ACVR2A: variants seen among roughly 807,000 people sequenced by gnomAD.
The protein encoded by ACVR2A is activin receptor type-2A.
Under a neutral mutation model 61.4 loss-of-function variants are expected in ACVR2A, and 7 were observed. The observed-to-expected ratio is 0.11, with a 90% CI of 0.06 to 0.21. ACVR2A has a LOEUF of 0.21. Ranked by LOEUF, ACVR2A falls within the 10% of genes least tolerant of loss-of-function variation. ACVR2A has a pLI of 1.00. For missense variants in ACVR2A, 322 were observed against 621.7 expected, an observed-to-expected ratio of 0.52 and a Z score of 5.13; for synonymous variants, 193 against 208.3, an observed-to-expected ratio of 0.93 and a Z score of 0.63.
At chr2:147,898,863 C>A (rs1192159966) in intron 2 of ACVR2A, among the ~76,000 whole-genome samples, 3 of 151,490 alleles carry the variant, frequency 2.0e-5, no homozygotes, top group Admixed American at 2.0e-4. Context: ...TCATCTCAAC[C>A]CTGTTCATTG....
chr2:147,905,186 T>C (rs1227724733), intron 4 of ACVR2A, among the ~76,000 whole-genome samples: 1 of 152,116 alleles, frequency 6.6e-6, no homozygotes, highest in Non-Finnish European at 1.5e-5. Context: ...GGCACCTTTC[T>C]TTAGCCTTAT....
intron 4 of ACVR2A, among the ~76,000 whole-genome samples, chr2:147,908,360 A>C (rs1189871655): frequency 6.6e-6 from 1 of 152,166 alleles, no homozygotes; most frequent in East Asian, 1.9e-4. Flanking sequence ...AGTGCTGGCT[A>C]CCTTGAGGTG....
chr2:147,870,144 T>C (rs1384032766), intron 1 of ACVR2A, among the ~76,000 whole-genome samples: 1 of 151,956 alleles, frequency 6.6e-6, no homozygotes, highest in East Asian at 1.9e-4. Flanking sequence ...GGTCTTAATG[T>C]GGTGTATTCT....
At chr2:147,866,200 G>T (rs1685850275) in intron 1 of ACVR2A, among the ~76,000 whole-genome samples, 2 of 152,214 alleles carry the variant, frequency 1.3e-5, no homozygotes, top group Non-Finnish European at 2.9e-5. Context: ...ATTCAAAGCA[G>T]TGTATGTAAG....
chr2:147,882,588 A>T (rs1271424252), intron 1 of ACVR2A, among the ~76,000 whole-genome samples: 1 of 152,174 alleles, frequency 6.6e-6, no homozygotes, highest in East Asian at 1.9e-4. Flanking sequence ...GTCCCTAAGT[A>T]ACTAGTGGTT....
intron 4 of ACVR2A, among the ~76,000 whole-genome samples, chr2:147,907,068 C>T (rs1687004930): frequency 6.6e-6 from 1 of 152,064 alleles, no homozygotes; most frequent in Non-Finnish European, 1.5e-5. Context: ...TCTACTCCCA[C>T]TTATGAGTGA....
chr2:147,885,821 AAATT>A (rs1352755719), intron 1 of ACVR2A, among the ~76,000 whole-genome samples: 1 of 152,176 alleles, frequency 6.6e-6, no homozygotes, highest in Non-Finnish European at 1.5e-5. Context: ...TCATAAGACT[AAATT>A]AATAAAAGTA....
At chr2:147,868,435 T>G (rs1259547636) in intron 1 of ACVR2A, among the ~76,000 whole-genome samples, 1 of 152,112 alleles carries the variant, frequency 6.6e-6, no homozygotes, top group East Asian at 1.9e-4. Context: ...GTTTTAAGAT[T>G]TTTCTTTCCT....
chr2:147,878,156 T>C (rs1686205439), intron 1 of ACVR2A, among the ~76,000 whole-genome samples: 1 of 152,218 alleles, frequency 6.6e-6, no homozygotes, highest in Admixed American at 6.5e-5. Flanking sequence ...ATAGCAAGAC[T>C]ATAAAAGTGT....
chr2:147,864,519 C>T (rs1207002386), intron 1 of ACVR2A, among the ~76,000 whole-genome samples: 1 of 152,034 alleles, frequency 6.6e-6, no homozygotes, highest in Non-Finnish European at 1.5e-5. Flanking sequence ...TGTGAGCCAC[C>T]GTTCCTGGCC....
chr2:147,911,502 C>T (rs531214653), intron 4 of ACVR2A, among the ~76,000 whole-genome samples: 9 of 152,058 alleles, frequency 5.9e-5, no homozygotes, highest in East Asian at 1.9e-4. Flanking sequence ...GGATATGAAT[C>T]GTAATTTCTT....
chr2:147,920,677 A>G (rs2105219314), intron 8 of ACVR2A, among the ~76,000 whole-genome samples: 1 of 152,318 alleles, frequency 6.6e-6, no homozygotes, highest in South Asian at 2.1e-4. Context: ...TTCTTTCACC[A>G]TCTTAAGAAG....
At chr2:147,925,193 G>C (rs1018191586) in intron 9 of ACVR2A, among the ~76,000 whole-genome samples, 12 of 151,942 alleles carry the variant, frequency 7.9e-5, no homozygotes, top group Admixed American at 2.6e-4. Context: ...TTCAATTCCA[G>C]CTCTACCGTT....
At chr2:147,912,557 T>C (rs1313834428) in intron 4 of ACVR2A, among the ~76,000 whole-genome samples, 2 of 151,970 alleles carry the variant, frequency 1.3e-5, no homozygotes, top group South Asian at 2.1e-4. Context: ...TTTAAAGGTA[T>C]ACATTTTTAT....
At chr2:147,850,960 G>C (rs1184773394) in intron 1 of ACVR2A, among the ~76,000 whole-genome samples, 1 of 152,100 alleles carries the variant, frequency 6.6e-6, no homozygotes, top group African/African-American at 2.4e-5. Context: ...TCAAGAATGT[G>C]GTCGTAGAGG....
chr2:147,917,225 C>T, intron 5 of ACVR2A, 58 bp from the exon 6 acceptor site: 1 of 1,530,620 alleles, frequency 6.5e-7, no homozygotes, highest in Non-Finnish European at 8.9e-7. Context: ...ATCTCTTATG[C>T]ATGGTTTATT....
At chr2:147,856,581 T>C (rs1049655001) in intron 1 of ACVR2A, among the ~76,000 whole-genome samples, 15 of 152,146 alleles carry the variant, frequency 9.9e-5, no homozygotes, top group Non-Finnish European at 1.6e-4. Flanking sequence ...TAATTAATTT[T>C]ATATAACCTA....
chr2:147,864,161 G>A (rs1685794716), intron 1 of ACVR2A, among the ~76,000 whole-genome samples: 1 of 152,018 alleles, frequency 6.6e-6, no homozygotes, highest in African/African-American at 2.4e-5. Context: ...TTATTTTTAA[G>A]ACAAATTGAT....
intron 1 of ACVR2A, among the ~76,000 whole-genome samples, chr2:147,884,316 G>A (rs755020719): frequency 9.9e-5 from 15 of 152,070 alleles, no homozygotes; most frequent in Admixed American, 3.9e-4. Context: ...ACTTGTACCT[G>A]TTTTGATGTA....
Sources: allele counts gnomAD v4.1 joint callset (sites outside exome capture counted in the v4.1 genomes callset), GRCh38; gene constraint gnomAD v4.1.1; transcripts MANE v1.5; gene names NCBI Gene and HGNC (gene_info 2026-07-23, HGNC 2026-07-21).